Variants in PLA2R1 observed in about 807,000 individuals in gnomAD.
PLA2R1 encodes the protein phospholipase A2 receptor 1.
A neutral mutation model predicts 195.9 loss-of-function variants in PLA2R1; 158 were observed. That is an observed-to-expected ratio of 0.81 (90% CI 0.71 to 0.92). The LOEUF (loss-of-function observed/expected upper bound fraction) is 0.92, where lower values mean the gene tolerates loss of function less well. Among genes scored for constraint, PLA2R1 ranks in the 40% least tolerant of loss-of-function variants. The probability of loss-of-function intolerance (pLI) is 0.00; values close to 1 mark genes in which losing one functional copy is unlikely to be tolerated. For missense variants in PLA2R1, 1,626 were observed against 1,764.6 expected, an observed-to-expected ratio of 0.92 and a Z score of 1.41; for synonymous variants, 586 against 598.2, an observed-to-expected ratio of 0.98 and a Z score of 0.30.
rs1256980815 is a variant in PLA2R1, at chr2:160,042,840, TGTATGTGTGA to T, written c.494-652_494-643del. ...GTGTGTGTGTGTGTGTGTGTGTGTG[TGTATGTGTGA>T]GACAGAGGGAGAGAGAGAGAGAGAG... is the stretch of plus-strand genomic sequence containing the variant. On this transcript the variant is annotated intron_variant, in intron 2 of 29. Transcript: ENST00000283243. Among the ~76,000 whole-genome samples, 100 of 45,244 alleles carry T rather than the reference TGTATGTGTGA, an allele frequency of 2.2e-3. 3 individuals carry two copies. The highest frequency in any genetic ancestry group is 5.2e-3 in the Non-Finnish European group (83 of 16,076). 29.7% of individuals were successfully genotyped at this position (45,244 alleles called of 152,430 possible).
At chr2:160,038,348 G>C (rs1186645019) in intron 3 of PLA2R1, among the ~76,000 whole-genome samples, 9 of 152,230 alleles carry the variant, frequency 5.9e-5, no homozygotes, top group African/African-American at 2.2e-4. Context: ...TGCACTTCTA[G>C]AATTTCTGAT....
At chr2:159,958,351 G>A (rs1272400032) in intron 20 of PLA2R1, among the ~76,000 whole-genome samples, 1 of 152,096 alleles carries the variant, frequency 6.6e-6, no homozygotes, top group Admixed American at 6.6e-5. Flanking sequence ...CCAGTAGCAG[G>A]TGCCGGCACC....
At chr2:160,004,666 T>C (rs899537625) in intron 11 of PLA2R1, among the ~76,000 whole-genome samples, 5 of 152,224 alleles carry the variant, frequency 3.3e-5, no homozygotes, top group East Asian at 1.9e-4. Flanking sequence ...GGCACAGCCC[T>C]GATGGAGATA....
intron 17 of PLA2R1, among the ~76,000 whole-genome samples, chr2:159,970,639 A>G (rs1166254909): frequency 2.6e-5 from 4 of 152,210 alleles, no homozygotes. Context: ...ATTAGTATAA[A>G]GATACTGATT....
rs913320876 is a variant in PLA2R1 at position 159,956,375 on chromosome 2, G to A, written c.3022+135C>T. ...TGAAATAAAACCTATGGGTCAAACTGCAAACTCGTGTATCATCAGCAACAC... is the reference window on the plus strand; with the variant it reads ...TGAAATAAAACCTATGGGTCAAACTACAAACTCGTGTATCATCAGCAACAC... On this transcript the variant is annotated intron_variant, in intron 21 of 29. Coordinates refer to ENST00000283243, the MANE Select transcript of PLA2R1 (RefSeq NM_007366.5). 10 of 641,286 alleles carry A rather than the reference G, an allele frequency of 1.6e-5. No individual in the cohort carries two copies. In the South Asian group the frequency reaches 1.7e-4, roughly 11 times the overall value. 39.7% of individuals were successfully genotyped at this position (641,286 alleles called of 1,614,324 possible). A position where few individuals can be genotyped will look rare whatever the true frequency, so the allele number is the denominator to read the frequency against.
intron 20 of PLA2R1, among the ~76,000 whole-genome samples, chr2:159,959,237 G>A (rs1688289285): frequency 1.3e-5 from 2 of 152,152 alleles, no homozygotes; most frequent in Non-Finnish European, 2.9e-5. Context: ...TGTTCAGATA[G>A]TTACACTAAT....
intron 6 of PLA2R1, among the ~76,000 whole-genome samples, chr2:160,025,335 T>C (rs2666992): frequency 6.6e-6 from 1 of 151,966 alleles, no homozygotes; most frequent in Non-Finnish European, 1.5e-5. Context: ...TGGGCAACAG[T>C]GCAAGACACC....
intron 20 of PLA2R1, among the ~76,000 whole-genome samples, chr2:159,961,903 A>T (rs1332594538): frequency 6.6e-6 from 1 of 152,214 alleles, no homozygotes; most frequent in African/African-American, 2.4e-5. Flanking sequence ...ACTTGTCATT[A>T]ATTTCCTTAA....
chr2:159,963,899 T>C (rs10177852), intron 20 of PLA2R1, among the ~76,000 whole-genome samples: 92,184 of 151,954 alleles, frequency 0.61, 32,270 homozygotes, highest in Non-Finnish European at 0.78. Flanking sequence ...GAATTGAAAA[T>C]AGGGACTCAA....
intron 1 of PLA2R1, among the ~76,000 whole-genome samples, chr2:160,058,321 G>A (rs1055016063): frequency 2.0e-5 from 3 of 152,080 alleles, no homozygotes; most frequent in Admixed American, 2.0e-4. Context: ...CCCCAGATAG[G>A]ACCTGATGGC....
intron 10 of PLA2R1, among the ~76,000 whole-genome samples, chr2:160,010,947 C>T (rs1463555243): frequency 6.6e-6 from 1 of 151,838 alleles, no homozygotes; most frequent in Admixed American, 6.6e-5. Context: ...CAGGGCTTGG[C>T]GGGTGACCAG....
rs976021060 is a variant in PLA2R1, at chr2:159,936,994, C to T, written c.*4784G>A. 2 of 152,168 alleles carry T rather than the reference C, an allele frequency of 1.3e-5. No individual in the cohort carries two copies. The highest frequency in any genetic ancestry group is 4.8e-5 in the African/African-American group (2 of 41,440). 9.4% of individuals were successfully genotyped at this position (152,168 alleles called of 1,614,324 possible). ...TTGTTATAACAATATCCCTCTATTACTTGAATTCCTTTCTCATAGGTGCCA... is the reference window on the plus strand; with the variant it reads ...TTGTTATAACAATATCCCTCTATTATTTGAATTCCTTTCTCATAGGTGCCA... On this transcript the variant is annotated 3_prime_UTR_variant, in exon 30 of 30. Transcript: ENST00000283243.
At chr2:160,044,690 T>C in intron 2 of PLA2R1, 84 bp downstream of exon 2, 1 of 1,195,114 alleles carries the variant, frequency 8.4e-7, no homozygotes. Context: ...TGTACTTCTT[T>C]CACGTAATGC....
At chr2:159,949,220 G>A (rs988721964) in intron 25 of PLA2R1, among the ~76,000 whole-genome samples, 6 of 151,662 alleles carry the variant, frequency 4.0e-5, no homozygotes, top group South Asian at 2.1e-4. Flanking sequence ...TCCCAACATC[G>A]GCTTTGTCTT....
At chr2:159,951,312 G>T (rs1229744031) in intron 24 of PLA2R1, 28 bp downstream of exon 24, 2 of 1,230,180 alleles carry the variant, frequency 1.6e-6, no homozygotes, top group African/African-American at 1.5e-5. Context: ...ATTATTCAAG[G>T]ATGTCTCAAG....
chr2:159,931,366 C>T (rs1044494369), downstream of PLA2R1, among the ~76,000 whole-genome samples: 4 of 152,024 alleles, frequency 2.6e-5, no homozygotes, highest in Admixed American at 2.0e-4. Context: ...CCCGTCTCCA[C>T]AAAAGTTTTT....
At chr2:159,924,726 G>T in the PLA2R1 span, among the ~76,000 whole-genome samples, 1 of 96,032 alleles carries the variant, frequency 1.0e-5, no homozygotes, top group African/African-American at 3.0e-5. Flanking sequence ...TTACTCTGGG[G>T]GCTGGGGGGG....
intron 9 of PLA2R1, among the ~76,000 whole-genome samples, chr2:160,015,876 A>G (rs145916360): frequency 3.5e-3 from 529 of 152,366 alleles, no homozygotes; most frequent in Non-Finnish European, 6.1e-3. Context: ...ATAGTTGCAT[A>G]AAGACCAGGT....
chr2:159,974,367 C>A (rs1313470170), intron 17 of PLA2R1, among the ~76,000 whole-genome samples: 1 of 152,178 alleles, frequency 6.6e-6, no homozygotes, highest in East Asian at 1.9e-4. Context: ...GCCTACTCAC[C>A]TGTAAAAATG....
Sources: allele counts gnomAD v4.1 joint callset (sites outside exome capture counted in the v4.1 genomes callset), GRCh38; gene constraint gnomAD v4.1.1; transcripts MANE v1.5; gene names NCBI Gene and HGNC (gene_info 2026-07-23, HGNC 2026-07-21).